The following PKD1 variants were observed in gnomAD, a reference collection of about 807,000 sequenced individuals.
PKD1 encodes polycystin-1.
PKD1 carries 81 observed loss-of-function variants against 361.7 expected under a neutral mutation model. The ratio of observed to expected loss-of-function variants is 0.22; its 90% confidence interval spans 0.19 to 0.27. The LOEUF is 0.27. Ranked by LOEUF, PKD1 falls within the 10% of genes least tolerant of loss-of-function variation. PKD1 has a pLI of 1.00. For synonymous variants in PKD1, 3,615 were observed against 2,818.3 expected (o/e 1.28, Z -8.95); for missense variants, 6,399 against 6,118.3 (o/e 1.05, Z -1.53).
chr16:2,124,751 C>T (rs758665534), intron 1 of PKD1, among the ~76,000 whole-genome samples: 1 of 152,232 alleles, frequency 6.6e-6, no homozygotes, highest in Admixed American at 6.5e-5. Context: ...GTGCGCCAGG[C>T]CCGGCACCCC....
chr16:2,111,284 C>A lies in PKD1; in HGVS notation c.3883G>T (p.Glu1295Ter), dbSNP rs780119305. Reference protein sequence around the residue: ...RSLHVLVFVLEVLRVEPAACI... With the variant: ...RSLHVLVFVL The stretch of plus-strand genomic sequence containing the variant: ...GCGGCGGGTTCAACGCGCAGCACCT[C>A]CAGGACGAAGACCAGCACGTGCAGG... The change falls in exon 15 of 46, where the codon GAG becomes TAG. Residue 1295 changes from glutamate to a stop codon, truncating the protein, a stop_gained. Transcript: ENST00000262304. LOFTEE classifies it high-confidence loss of function. 1 of 1,609,580 alleles carries A rather than the reference C, an allele frequency of 6.2e-7. No homozygotes were observed. Among genetic ancestry groups the A allele is most frequent in the Non-Finnish European group, 8.5e-7 (1 of 1,179,462 alleles).
intron 26 of PKD1, among the ~76,000 whole-genome samples, chr16:2,101,193 G>A (rs1337683953): frequency 6.6e-6 from 1 of 152,086 alleles, no homozygotes; most frequent in African/African-American, 2.4e-5. Context: ...TTCACCGTTA[G>A]CCAGGATGGT....
At chr16:2,103,074 G>A in intron 23 of PKD1, 104 bp from the exon 24 acceptor site, 17 of 1,357,718 alleles carry the variant, frequency 1.3e-5, no homozygotes, top group Non-Finnish European at 1.7e-5. Context: ...GGCCTGAAAG[G>A]CCATAGGAGC....
rs1273430672 is a variant in PKD1 at position 2,101,543 on chromosome 16, G to A, written c.9397+518C>T. 3.3e-5 allele frequency among the ~76,000 whole-genome samples: 5 copies of A among 152,178 alleles called. 1 individual carries two copies. Among genetic ancestry groups the A allele is most frequent in the South Asian group, 2.1e-4 (1 of 4,832 alleles). Reference sequence around the variant, plus strand: ...CGCTTAAGGGGAATGGCTTAAACCCGGGAGCTGGAAGTTGCTGTGAGCCAA... The same window carrying A: ...CGCTTAAGGGGAATGGCTTAAACCCAGGAGCTGGAAGTTGCTGTGAGCCAA... On this transcript the variant is annotated intron_variant, in intron 26 of 45. Transcript: ENST00000262304.
At chr16:2,114,039 C>G (rs768609949) in intron 11 of PKD1, 131 bp downstream of exon 11, 46 of 796,740 alleles carry the variant, frequency 5.8e-5, no homozygotes, top group Non-Finnish European at 8.6e-5. Context: ...CCAGCAGGAC[C>G]TGCCCGGGGC....
rs1158211432 is a variant in PKD1, at chr16:2,119,094, C to T, written c.359+20G>A. ...GGCCTGGGGTCCAGCCAGGACCCCA[C>T]CCAAAGAACCACAACTTACATTTCA... On this transcript the variant is annotated intron_variant, in intron 3 of 45. Transcript: ENST00000262304. 6 of 1,158,718 alleles carry T rather than the reference C, an allele frequency of 5.2e-6. No individual in the cohort carries two copies. Among genetic ancestry groups the T allele is most frequent in the Non-Finnish European group, 7.6e-6 (6 of 793,406 alleles). 71.8% of individuals were successfully genotyped at this position (1,158,718 alleles called of 1,614,324 possible).
chr16:2,104,594 G>C lies in PKD1; in HGVS notation c.8065C>G (p.His2689Asp), dbSNP rs780697425. The change falls in exon 22 of 46, where the codon CAC becomes GAC. Residue 2689 changes from histidine to aspartate, a missense_variant. Physicochemically the swap from His to Asp is moderately conservative, Grantham distance 81. Transcript: ENST00000262304. ...ATGAGCATCATGGCCTCCAGCTTGT[G>C]CAGCGTCTGCTTCAGGCACGAGCGG... ...VCRSCLKQTL[H>D]KLEAMMLILQ... 1 of 1,596,828 alleles carries C rather than the reference G, an allele frequency of 6.3e-7. No homozygotes were observed. The highest frequency in any genetic ancestry group is 8.5e-7 in the Non-Finnish European group (1 of 1,172,784).
At chr16:2,135,374 G>A (rs1440294924) in intron 1 of PKD1, 101 bp downstream of exon 1, 7 of 1,065,444 alleles carry the variant, frequency 6.6e-6, no homozygotes, top group East Asian at 5.9e-5. Flanking sequence ...CGCCCTGGGA[G>A]CGTCCTGGCC....
In PKD1 at chr16:2,110,919, A is replaced by G. The variant is rs368519757; in HGVS notation, c.4248T>C (p.Phe1416=). The change falls in exon 15 of 46, where the codon TTT becomes TTC. Residue 1416 remains phenylalanine (F), a synonymous_variant. Transcript: ENST00000262304. ...GGGTGGGGGCGGCTTCCTCGGTGCC[A>G]AAGTCCCAGGTGTAGCGGTAGGGGA... is the stretch of plus-strand genomic sequence containing the variant. The part of the protein sequence containing the change: ...PPFPYRYTWD[F]GTEEAAPTRA... 191 of 1,611,228 alleles carry G rather than the reference A, an allele frequency of 1.2e-4. No homozygotes were observed. The highest frequency in any genetic ancestry group is 1.5e-4 in the Non-Finnish European group (181 of 1,179,822).
rs766241260 is a variant in PKD1, at chr16:2,108,663, G to A, written c.6504C>T (p.Tyr2168=). 8.9e-6 allele frequency: 14 copies of A among 1,565,098 alleles called. 1 individual carries two copies. The South Asian group carries it at 1.3e-4, about 14-fold the overall frequency. ...CGCGCAGGTCAACGTGGGCCTCCAAGTAGTTGCGCTGTGATCGCCGCATCA... is the reference window on the plus strand; with the variant it reads ...CGCGCAGGTCAACGTGGGCCTCCAAATAGTTGCGCTGTGATCGCCGCATCA... ...QVLMRRSQRN[Y]LEAHVDLRDC... The change falls in exon 15 of 46, where the codon TAC becomes TAT. Residue 2168 remains tyrosine, a synonymous_variant. Coordinates refer to ENST00000262304, the MANE Select transcript of PKD1 (RefSeq NM_001009944.3).
rs765617134 is a variant in PKD1, at chr16:2,110,235, G to T, written c.4932C>A (p.Phe1644Leu). The T allele has an allele frequency of 1.9e-6, 3 of 1,612,130 alleles. No individual in the cohort carries two copies. The highest frequency in any genetic ancestry group is 1.7e-6 in the Non-Finnish European group (2 of 1,179,746). Residue 1644 changes from phenylalanine to leucine, a missense_variant, in exon 15 of 46, where the codon TTC becomes TTA. Coordinates refer to ENST00000262304, the MANE Select transcript of PKD1 (RefSeq NM_001009944.3). ...GCAGCTGTACCGTGTGGTTGGTGGG[G>T]AAGTAGCGGCCACCGCCCACCACCT... ...GLQVVGGGRY[F>L]PTNHTVQLQA... is the part of the protein sequence containing the mutation.
chr16:2,115,375 C>T lies in PKD1; in HGVS notation c.2097+3G>A, dbSNP rs1168624981. 1.3e-6 allele frequency: 2 copies of T among 1,515,304 alleles called. No individual in the cohort carries two copies. The highest frequency in any genetic ancestry group is 3.9e-5 in the Admixed American group (2 of 51,344). The allele number at this position is 1,515,304 out of a possible 1,614,324, so 93.9% of individuals were successfully genotyped here. On this transcript the variant is annotated splice_donor_region_variant and intron_variant, in intron 10 of 45. Transcript: ENST00000262304. ...GGAACAGACCCAGGTCAGGGCCACA[C>T]ACCGAGTACTGCGCGGGGGGCCCCG... is the stretch of plus-strand genomic sequence containing the variant.
Position 2,115,440 on chromosome 16 carries a change from G to T in PKD1, c.2035C>A (p.Pro679Thr). The change falls in exon 10 of 46, where the codon CCC (proline) becomes ACC (threonine). Residue 679 changes from proline (P) to threonine (T), a missense_variant. Physicochemically the swap from Pro to Thr is conservative, Grantham distance 38. Transcript: ENST00000262304. Reference sequence around the variant, plus strand: ...AGGAACTCTCTCCATAGCGCATAGGGGGCCCCGGGTAGCCCTGGCCCTGAC... The same window carrying T: ...AGGAACTCTCTCCATAGCGCATAGGTGGCCCCGGGTAGCCCTGGCCCTGAC... ...CTSGPGLPGA[P>T]YALWREFLFS... 6.3e-7 allele frequency: 1 copy of T among 1,595,862 alleles called. No homozygotes were observed.
At position 2,106,798 on chromosome 16, in the gene PKD1, C is replaced by A. The variant is rs747446248; in HGVS notation, c.7209+7G>T. 4.9e-5 allele frequency: 63 copies of A among 1,295,724 alleles called. No homozygotes were observed. The highest frequency in any genetic ancestry group is 6.8e-5 in the Non-Finnish European group (62 of 918,120). The allele number at this position is 1,295,724 out of a possible 1,614,324, so 80.3% of individuals were successfully genotyped here. On this transcript the variant is annotated splice_region_variant and intron_variant, in intron 17 of 45. Transcript: ENST00000262304. This position sits in a 1 kb window ranked among gnomAD's most constrained non-coding sequence, Gnocchi z 6.5. ...CCCAGCCCGCCCACACCCCGCTCAA[C>A]ACTCACCCCTCGCTTGGAGCCGCTG...
In PKD1 at chr16:2,109,983, G is replaced by A. The variant is rs751262185; in HGVS notation, c.5184C>T (p.Asn1728=). The A allele has an allele frequency of 4.3e-6, 7 of 1,609,868 alleles. No homozygotes were observed. In the African/African-American group the frequency reaches 8.0e-5, roughly 18 times the overall value. The stretch of plus-strand genomic sequence containing the variant: ...TGACGCTTGTGTTGACGGCAGCTGG[G>A]TTCGGGGAGGCGGCCACCATCAGCC... The part of the protein sequence containing the change: ...VGWLMVAASP[N]PAAVNTSVTL... The change falls in exon 15 of 46, where the codon AAC becomes AAT. Residue 1728 remains asparagine (N), a synonymous_variant. Transcript: ENST00000262304.
rs543666317 is a variant in PKD1, at chr16:2,116,775, C to T, written c.1606+58G>A. The T allele has an allele frequency of 5.8e-4, 693 of 1,185,574 alleles. 7 individuals are homozygous for T. The South Asian group carries it at 8.5e-3, about 14-fold the overall frequency. The allele number at this position is 1,185,574 out of a possible 1,614,324, so 73.4% of individuals were successfully genotyped here. A position where few individuals can be genotyped will look rare whatever the true frequency, so the allele number is the denominator to read the frequency against. ...CTCAGCCCAGGCTCCACCGCGGGCGCTCGGCAGGCCCCTAACCACAGCCAG... is the reference window on the plus strand; with the variant it reads ...CTCAGCCCAGGCTCCACCGCGGGCGTTCGGCAGGCCCCTAACCACAGCCAG... On this transcript the variant is annotated intron_variant, in intron 7 of 45. Coordinates refer to ENST00000262304, the MANE Select transcript of PKD1 (RefSeq NM_001009944.3).
Position 2,114,399 on chromosome 16 carries a change from G to C in PKD1, c.2624C>G (p.Pro875Arg), listed in dbSNP as rs2092594485. Residue 875 changes from proline to arginine, a missense_variant, in exon 11 of 46, where the codon CCT becomes CGT. By Grantham distance (103) the Pro-to-Arg change is moderately radical. Coordinates refer to ENST00000262304, the MANE Select transcript of PKD1 (RefSeq NM_001009944.3). ...GGGCACGAAGGTGGCCACCAGGGCA[G>C]GGCAGACATTCTCAAAGCGGGCGCT... ...SVSARFENVC[P>R]ALVATFVPGC... is the part of the protein sequence containing the mutation. 6.2e-7 allele frequency: 1 copy of C among 1,606,950 alleles called. No individual in the cohort carries two copies. Among genetic ancestry groups the C allele is most frequent in the East Asian group, 2.2e-5 (1 of 44,872 alleles).
rs28369051 is a variant in PKD1 at position 2,106,152 on chromosome 16, C to T, written c.7642G>A (p.Glu2548Lys). The T allele has an allele frequency of 3.3e-5, 53 of 1,607,168 alleles. No individual in the cohort carries two copies. The Admixed American group carries it at 5.4e-4, about 16-fold the overall frequency. ...VLPPGFRPHFEVGLAVVVQDQ... is the reference protein window; with the variant it reads ...VLPPGFRPHFKVGLAVVVQDQ... ...TGCACCACCACGGCCAGGCCCACCT[C>T]GAAGTGTGGCCTGAAACCCGGGGGC... Residue 2548 changes from glutamate (E) to lysine (K), a missense_variant, in exon 19 of 46, where the codon GAG becomes AAG. Transcript: ENST00000262304. This position sits in a 1 kb window ranked among gnomAD's most constrained non-coding sequence, Gnocchi z 6.5.
rs199947547 is a variant in PKD1 at position 2,102,612 on chromosome 16, A to G, written c.8970T>C (p.Ser2990=). The G allele has an allele frequency of 1.9e-6, 3 of 1,610,888 alleles. No individual in the cohort carries two copies. Among genetic ancestry groups the G allele is most frequent in the Non-Finnish European group, 2.5e-6 (3 of 1,179,784 alleles). ...ISPGSRDPAG[S]YHLNLSSHFR... is the part of the protein sequence containing the mutation. ...AGTGGCTGGAGAGGTTCAGATGGTA[A>G]CTCCCCGCTGGGTCTCTGCTCCTGG... Residue 2990 remains serine (S), a synonymous_variant, in exon 25 of 46, where the codon AGT becomes AGC. Coordinates refer to ENST00000262304, the MANE Select transcript of PKD1 (RefSeq NM_001009944.3).
Sources: allele counts gnomAD v4.1 joint callset (sites outside exome capture counted in the v4.1 genomes callset), GRCh38; gene constraint gnomAD v4.1.1; non-coding constraint Gnocchi (gnomAD v3.1); transcripts MANE v1.5; gene names NCBI Gene and HGNC (gene_info 2026-07-23, HGNC 2026-07-21).